The following TMEM132C variants were observed in gnomAD, a reference collection of about 807,000 sequenced individuals.
The protein encoded by TMEM132C is transmembrane protein 132C, also known as protein phosphatase 1, regulatory subunit 152.
Under a neutral mutation model 61.4 loss-of-function variants are expected in TMEM132C, and 29 were observed. The ratio of observed to expected loss-of-function variants is 0.47; its 90% CI spans 0.35 to 0.64. The LOEUF is 0.64. TMEM132C is among the 30% of genes least tolerant of loss of function. TMEM132C has a pLI of 0.00. For synonymous variants in TMEM132C, 656 were observed against 633.1 expected (o/e 1.04, Z -0.54); for missense variants, 1,408 against 1,476.9 (o/e 0.95, Z 0.76).
chr12:128,434,912 G>A (rs147693158), intron 2 of TMEM132C, among the ~76,000 whole-genome samples: 2,280 of 152,148 alleles, frequency 0.015, 61 homozygotes, highest in African/African-American at 0.05. Flanking sequence ...GTGAGCCACC[G>A]CAGCCGGCCC....
chr12:128,432,024 C>G (rs1346160377), intron 2 of TMEM132C, among the ~76,000 whole-genome samples: 1 of 152,142 alleles, frequency 6.6e-6, no homozygotes, highest in Non-Finnish European at 1.5e-5. Context: ...AACCACAAAG[C>G]CTGTAACAGC....
intron 1 of TMEM132C, among the ~76,000 whole-genome samples, chr12:128,389,739 G>T (rs1683696): frequency 0.57 from 86,411 of 151,964 alleles, 25,151 homozygotes; most frequent in East Asian, 0.72. Context: ...CAAAGGCAGG[G>T]GCACACTGAG....
intron 1 of TMEM132C, among the ~76,000 whole-genome samples, chr12:128,292,139 A>G (rs1456150574): frequency 6.6e-6 from 1 of 152,204 alleles, no homozygotes; most frequent in Non-Finnish European, 1.5e-5. Context: ...CTTCTGTTCC[A>G]GTAACTACAG....
At chr12:128,653,790 T>A (rs1207097885) in intron 4 of TMEM132C, among the ~76,000 whole-genome samples, 1 of 152,162 alleles carries the variant, frequency 6.6e-6, no homozygotes, top group Non-Finnish European at 1.5e-5. Context: ...TGGCCCATGT[T>A]AGGGTTGGTA....
At chr12:128,418,457 C>T (rs761324582) in intron 2 of TMEM132C, among the ~76,000 whole-genome samples, 4 of 152,206 alleles carry the variant, frequency 2.6e-5, no homozygotes, top group African/African-American at 9.7e-5. Flanking sequence ...CTGTTTCTCT[C>T]CTTCCCTTAA....
chr12:128,609,711 T>C (rs1313432428), intron 3 of TMEM132C, among the ~76,000 whole-genome samples: 1 of 152,150 alleles, frequency 6.6e-6, no homozygotes, highest in Non-Finnish European at 1.5e-5. Flanking sequence ...GGACTTCCTC[T>C]GTAAAAGGCC....
chr12:128,283,857 T>C (rs2135901566), intron 1 of TMEM132C, among the ~76,000 whole-genome samples: 1 of 152,268 alleles, frequency 6.6e-6, no homozygotes, highest in Non-Finnish European at 1.5e-5. Context: ...GCCACTCCTC[T>C]GACCCCCTGC....
At chr12:128,479,135 G>A (rs753918913) in intron 2 of TMEM132C, among the ~76,000 whole-genome samples, 11 of 152,176 alleles carry the variant, frequency 7.2e-5, no homozygotes, top group Non-Finnish European at 1.5e-4. Context: ...AATACTGCAT[G>A]TTCTCACTTA....
At chr12:128,392,066 C>G (rs1035005151) in intron 1 of TMEM132C, among the ~76,000 whole-genome samples, 1 of 35,216 alleles carries the variant, frequency 2.8e-5, no homozygotes, top group East Asian at 7.4e-4. Flanking sequence ...CTCTCTCTTT[C>G]TCTCTCTCTC....
At chr12:128,531,511 A>G (rs1873300364) in intron 2 of TMEM132C, among the ~76,000 whole-genome samples, 1 of 152,192 alleles carries the variant, frequency 6.6e-6, no homozygotes, top group African/African-American at 2.4e-5. Context: ...CAGGGAAGAG[A>G]GCTGGGTTTC....
At chr12:128,672,802 C>T (rs1954545769) in intron 5 of TMEM132C, among the ~76,000 whole-genome samples, 1 of 152,152 alleles carries the variant, frequency 6.6e-6, no homozygotes, top group South Asian at 2.1e-4. Context: ...TAATCAGTGC[C>T]TAGTCTGCAG....
intron 2 of TMEM132C, among the ~76,000 whole-genome samples, chr12:128,419,964 G>A (rs1053891836): frequency 6.6e-6 from 1 of 152,060 alleles, no homozygotes; most frequent in Non-Finnish European, 1.5e-5. Context: ...AGGCCGAGGT[G>A]GGCAGATCGC....
chr12:128,333,297 T>C (rs567498187), intron 1 of TMEM132C, among the ~76,000 whole-genome samples: 19 of 152,070 alleles, frequency 1.2e-4, no homozygotes, highest in Admixed American at 5.9e-4. Context: ...GTTGTATGTA[T>C]GTGGTGCTGT....
At chr12:128,458,719 A>G (rs1310395105) in intron 2 of TMEM132C, among the ~76,000 whole-genome samples, 5 of 152,334 alleles carry the variant, frequency 3.3e-5, no homozygotes, top group Admixed American at 3.3e-4. Flanking sequence ...CATGGTGTAC[A>G]TATTCCCACC....
At chr12:128,704,609 T>C (rs1358221052) in intron 8 of TMEM132C, among the ~76,000 whole-genome samples, 2 of 152,214 alleles carry the variant, frequency 1.3e-5, no homozygotes, top group Non-Finnish European at 2.9e-5. Context: ...TCTGATGTCA[T>C]TGGTTCTGAC....
At chr12:128,303,529 A>T (rs536177294) in intron 1 of TMEM132C, among the ~76,000 whole-genome samples, 3 of 152,338 alleles carry the variant, frequency 2.0e-5, no homozygotes, top group Admixed American at 2.0e-4. Context: ...TCACTGGTCA[A>T]CTCAAGCAAA....
intron 1 of TMEM132C, among the ~76,000 whole-genome samples, chr12:128,354,770 T>C (rs538368181): frequency 6.6e-6 from 1 of 152,344 alleles, no homozygotes. Flanking sequence ...AGACCGGAGC[T>C]ATAGGCTTGA....
At chr12:128,267,796 T>C (rs1197794044) in intron 1 of TMEM132C, among the ~76,000 whole-genome samples, 2 of 152,048 alleles carry the variant, frequency 1.3e-5, no homozygotes, top group African/African-American at 4.8e-5. Flanking sequence ...TTGTTCCCCA[T>C]CCCTGAGTTC....
intron 4 of TMEM132C, among the ~76,000 whole-genome samples, chr12:128,663,385 C>A (rs966561267): frequency 5.3e-5 from 8 of 152,242 alleles, no homozygotes; most frequent in African/African-American, 1.7e-4. Context: ...ACAACATGTT[C>A]ATGATCCATC....
Sources: gnomAD v4.1 joint callset for allele counts (sites outside exome capture counted in the v4.1 genomes callset) on GRCh38, gnomAD v4.1.1 for gene constraint, MANE v1.5 for transcripts, NCBI Gene and HGNC (gene_info 2026-07-23, HGNC 2026-07-21) for gene names.